The following SPAG16 variants were observed in gnomAD, a reference collection of about 807,000 sequenced individuals.
SPAG16 encodes the protein sperm associated antigen 16.
Under a neutral mutation model 80.4 loss-of-function variants are expected in SPAG16, and 86 were observed. The observed-to-expected ratio is 1.07, with a 90% CI of 0.90 to 1.28. The LOEUF (loss-of-function observed/expected upper bound fraction) is 1.28, where lower values mean the gene tolerates loss of function less well. Among genes scored for constraint, SPAG16 ranks in the 50% most tolerant of loss-of-function variants. The pLI, the probability that SPAG16 is intolerant of heterozygous loss-of-function variation, is 0.00. For missense variants in SPAG16, 870 were observed against 765.3 expected, an observed-to-expected ratio of 1.14 and a Z score of -1.61; for synonymous variants, 294 against 265.9, an observed-to-expected ratio of 1.11 and a Z score of -1.03.
At chr2:214,298,404 T>C (rs1694311203) in intron 15 of SPAG16, among the ~76,000 whole-genome samples, 2 of 152,090 alleles carry the variant, frequency 1.3e-5, no homozygotes, top group African/African-American at 2.4e-5. Flanking sequence ...AGGATGATGA[T>C]GAAATTATCA....
intron 10 of SPAG16, among the ~76,000 whole-genome samples, chr2:213,719,884 A>G (rs911768616): frequency 3.3e-5 from 5 of 152,220 alleles, no homozygotes; most frequent in Admixed American, 1.3e-4. Context: ...ACACACATGC[A>G]CACGTATGTT....
chr2:213,767,676 C>CAAAA (rs1172936060), intron 10 of SPAG16, among the ~76,000 whole-genome samples: 3 of 151,212 alleles, frequency 2.0e-5, no homozygotes, highest in African/African-American at 7.3e-5. Flanking sequence ...CACACACACA[C>CAAAA]ACAAAATCAG....
chr2:214,139,505 C>G (rs1437650420), intron 14 of SPAG16, among the ~76,000 whole-genome samples: 1 of 151,946 alleles, frequency 6.6e-6, no homozygotes, highest in African/African-American at 2.4e-5. Flanking sequence ...TTAATTATTT[C>G]TACCTTTTCT....
chr2:213,871,646 A>G (rs567488883), intron 11 of SPAG16, among the ~76,000 whole-genome samples: 1 of 152,146 alleles, frequency 6.6e-6, no homozygotes, highest in African/African-American at 2.4e-5. Flanking sequence ...CTAAGTTGTA[A>G]ACTTCCAGAA....
At chr2:213,825,701 C>CTTTTTTTTTTTTTTTTTTTTTTTT (rs55777958) in intron 10 of SPAG16, among the ~76,000 whole-genome samples, 12 of 109,796 alleles carry the variant, frequency 1.1e-4, no homozygotes, top group African/African-American at 2.3e-4. Context: ...TTCTTTCTTT[C>CTTTTTTTTTTTTTTTTTTTTTTTT]TTTTTTTTTT....
At chr2:213,346,947 T>C (rs940375021) in intron 6 of SPAG16, among the ~76,000 whole-genome samples, 2 of 152,212 alleles carry the variant, frequency 1.3e-5, no homozygotes, top group African/African-American at 4.8e-5. Context: ...TTGGAATAGT[T>C]TTAGAAGGAA....
chr2:213,325,788 A>G (rs762012807), intron 5 of SPAG16, among the ~76,000 whole-genome samples: 64 of 151,922 alleles, frequency 4.2e-4, no homozygotes, highest in Non-Finnish European at 7.8e-4. Flanking sequence ...TTCATATTGA[A>G]TTATCTAATG....
At chr2:213,421,837 C>G (rs982085456) in intron 9 of SPAG16, among the ~76,000 whole-genome samples, 1 of 152,128 alleles carries the variant, frequency 6.6e-6, no homozygotes. Context: ...GGACACTCAT[C>G]AGGACGACCT....
chr2:213,572,474 C>T (rs2059946785), intron 10 of SPAG16, among the ~76,000 whole-genome samples: 2 of 149,382 alleles, frequency 1.3e-5, no homozygotes, highest in African/African-American at 2.5e-5. Context: ...CCCTCAGCTG[C>T]AGGTCTGTTG....
At position 213,993,647 on chromosome 2, in the gene SPAG16, C is replaced by T. The variant is rs142560006; in HGVS notation, c.1401-20304C>T. Among the ~76,000 whole-genome samples, 444 of 152,172 alleles carry T rather than the reference C, an allele frequency of 2.9e-3. 2 individuals are homozygous for T. The highest frequency in any genetic ancestry group is 0.01 in the Middle Eastern group (3 of 294). On this transcript the variant is annotated intron_variant, in intron 12 of 15. Coordinates refer to ENST00000331683, the MANE Select transcript of SPAG16 (RefSeq NM_024532.5). The stretch of plus-strand genomic sequence containing the variant: ...AAGAAAGATTTGCTTAATAGGAAAA[C>T]GGTGTTTTCTCACGTAAAATTCAGG...
At chr2:213,661,028 A>G (rs939743110) in intron 10 of SPAG16, among the ~76,000 whole-genome samples, 3 of 152,060 alleles carry the variant, frequency 2.0e-5, no homozygotes, top group Admixed American at 1.3e-4. Flanking sequence ...ACTCTGCCAG[A>G]TTTCGTAGCC....
At chr2:213,895,344 C>A (rs567928073) in intron 11 of SPAG16, among the ~76,000 whole-genome samples, 1 of 151,968 alleles carries the variant, frequency 6.6e-6, no homozygotes, top group East Asian at 1.9e-4. Flanking sequence ...ACAATACTAC[C>A]CAAAGTGATC....
At chr2:214,088,327 T>C (rs1345049637) in intron 13 of SPAG16, among the ~76,000 whole-genome samples, 2 of 147,630 alleles carry the variant, frequency 1.4e-5, no homozygotes, top group East Asian at 1.9e-4. Context: ...ACTTAACATC[T>C]GCATATGCAG....
chr2:213,837,029 T>A (rs1376820841), intron 10 of SPAG16, among the ~76,000 whole-genome samples: 1 of 152,202 alleles, frequency 6.6e-6, no homozygotes, highest in Non-Finnish European at 1.5e-5. Context: ...ACATCCCTGC[T>A]ATCTTTGAAT....
intron 9 of SPAG16, among the ~76,000 whole-genome samples, chr2:213,403,513 A>C (rs2068442964): frequency 6.6e-6 from 1 of 152,154 alleles, no homozygotes; most frequent in Non-Finnish European, 1.5e-5. Context: ...AGCAACCTTC[A>C]TGCTAAAAAC....
chr2:214,025,108 G>A (rs958239360), intron 13 of SPAG16, among the ~76,000 whole-genome samples: 2 of 151,570 alleles, frequency 1.3e-5, no homozygotes, highest in East Asian at 1.9e-4. Context: ...AGCACTGGGA[G>A]TATTTATTTG....
At chr2:213,546,871 G>C (rs1210914410) in intron 10 of SPAG16, among the ~76,000 whole-genome samples, 1 of 151,940 alleles carries the variant, frequency 6.6e-6, no homozygotes, top group African/African-American at 2.4e-5. Context: ...TTGGCGAATT[G>C]GAAATATAAA....
chr2:213,710,067 G>A (rs998834284), intron 10 of SPAG16, among the ~76,000 whole-genome samples: 1 of 152,046 alleles, frequency 6.6e-6, no homozygotes, highest in Non-Finnish European at 1.5e-5. Context: ...GGCAGATAAG[G>A]ATGGAGATGG....
chr2:214,082,181 T>G (rs1365392370), intron 13 of SPAG16, among the ~76,000 whole-genome samples: 1 of 152,168 alleles, frequency 6.6e-6, no homozygotes, highest in Non-Finnish European at 1.5e-5. Flanking sequence ...TGCCCTTCAT[T>G]TCTGGCTCCT....
Sources: gnomAD v4.1 joint callset for allele counts (sites outside exome capture counted in the v4.1 genomes callset) on GRCh38, gnomAD v4.1.1 for gene constraint, MANE v1.5 for transcripts, NCBI Gene and HGNC (gene_info 2026-07-23, HGNC 2026-07-21) for gene names.